ADCY8: variants seen among roughly 807,000 people sequenced by gnomAD.
ADCY8 encodes adenylate cyclase type 8.
Under a neutral mutation model 119.7 loss-of-function variants are expected in ADCY8, and 51 were observed. The observed-to-expected ratio is 0.43, with a 90% confidence interval of 0.34 to 0.54. The LOEUF (loss-of-function observed/expected upper bound fraction) is 0.54, where lower values mean the gene tolerates loss of function less well. Ranked by LOEUF, ADCY8 falls within the 20% of genes least tolerant of loss-of-function variation. ADCY8 has a pLI of 0.03. For missense variants in ADCY8, 1,383 were observed against 1,598.8 expected (o/e 0.87, Z 2.30); for synonymous variants, 665 against 651.0 (o/e 1.02, Z -0.33).
At chr8:131,027,492 T>C (rs888920372) in intron 1 of ADCY8, among the ~76,000 whole-genome samples, 1 of 152,012 alleles carries the variant, frequency 6.6e-6, no homozygotes, top group Non-Finnish European at 1.5e-5. Flanking sequence ...CAGCGGAGCA[T>C]GGGGTGGCTT....
intron 7 of ADCY8, among the ~76,000 whole-genome samples, chr8:130,887,256 C>G (rs1819021670): frequency 6.6e-6 from 1 of 152,074 alleles, no homozygotes; most frequent in African/African-American, 2.4e-5. Context: ...GGATACAGAC[C>G]AATGAAATCT....
chr8:130,908,196 T>C (rs909695677), intron 6 of ADCY8, among the ~76,000 whole-genome samples: 1 of 152,198 alleles, frequency 6.6e-6, no homozygotes, highest in Admixed American at 6.5e-5. Flanking sequence ...CAAAGCAGTA[T>C]CTTACAAACC....
intron 12 of ADCY8, among the ~76,000 whole-genome samples, chr8:130,823,507 T>C (rs1816582339): frequency 6.6e-6 from 1 of 152,178 alleles, no homozygotes. Flanking sequence ...GTTGAACTAA[T>C]TTATTTGTAT....
At chr8:130,791,283 G>A (rs1815418908) in intron 15 of ADCY8, among the ~76,000 whole-genome samples, 1 of 152,198 alleles carries the variant, frequency 6.6e-6, no homozygotes, top group Non-Finnish European at 1.5e-5. Flanking sequence ...TAGGTGACAA[G>A]GGATGGGACC....
At position 130,847,412 on chromosome 8, in the gene ADCY8, A is replaced by G. The variant is rs758850690; in HGVS notation, c.2502+12T>C. 1.2e-6 allele frequency: 2 copies of G among 1,600,368 alleles called. No individual in the cohort carries two copies. The highest frequency in any genetic ancestry group is 2.2e-5 in the South Asian group (2 of 89,744). On this transcript the variant is annotated intron_variant, in intron 11 of 17. Transcript: ENST00000286355. ...GTCCAACTCTCACCAAGGGGAGCTC[A>G]TAAATAAATACCTCTGGGTAGGAGC...
intron 12 of ADCY8, among the ~76,000 whole-genome samples, chr8:130,830,667 T>G (rs1358507055): frequency 6.6e-6 from 1 of 152,204 alleles, no homozygotes; most frequent in Non-Finnish European, 1.5e-5. Flanking sequence ...ACATAGCCAC[T>G]TCACTGTCAT....
chr8:130,780,410 C>A lies in ADCY8; in HGVS notation c.3736G>T (p.Asp1246Tyr). 3 of 1,539,076 alleles carry A rather than the reference C, an allele frequency of 1.9e-6. No homozygotes were observed. Among genetic ancestry groups the A allele is most frequent in the Non-Finnish European group, 2.6e-6 (3 of 1,140,004 alleles). The change falls in exon 18 of 18, where the codon GAC becomes TAC. Residue 1246 changes from aspartate (D) to tyrosine (Y), a missense_variant. Asp to Tyr is a radical substitution (Grantham distance 160). Around this residue, in one of 2 missense-constraint regions of ADCY8, gnomAD observed 928 missense variants for 1,163.5 expected, o/e 0.80. Coordinates refer to ENST00000286355, the MANE Select transcript of ADCY8 (RefSeq NM_001115.3). ...TGCTTTTATGGCAAATCAGATTTGT[C>A]GGTGCCTTCAGCCTGGGCTCCAGGC... ...TEPGAQAEGT[D>Y]KSDLP
intron 12 of ADCY8, among the ~76,000 whole-genome samples, chr8:130,822,574 C>G (rs1319695510): frequency 3.3e-5 from 5 of 151,952 alleles, no homozygotes; most frequent in Admixed American, 3.3e-4. Flanking sequence ...ATCCATCCAT[C>G]CATCCATCCA....
At chr8:130,909,947 T>TC (rs1399964046) in intron 5 of ADCY8, 81 bp from the exon 6 acceptor site, 16 of 1,364,226 alleles carry the variant, frequency 1.2e-5, no homozygotes, top group Non-Finnish European at 1.4e-5. Context: ...TTTCTTTTTT[T>TC]TTTTTTTTGA....
chr8:130,955,618 G>A (rs1025075073), intron 2 of ADCY8, among the ~76,000 whole-genome samples: 4 of 152,018 alleles, frequency 2.6e-5, no homozygotes, highest in African/African-American at 9.7e-5. Context: ...ATAAATCAAT[G>A]GAAATATGTC....
rs1202405393 is a variant in ADCY8, at chr8:130,951,990, G to T, written c.1119C>A (p.Leu373=). ...LETENQRQER[L]VLSVLPRFVV... is the part of the protein sequence containing the mutation. ...CAAACCGGGGGAGCACAGAAAGCAC[G>T]AGCCGCTCCTGGAACAAATGAAGAG... Residue 373 remains leucine, a synonymous_variant, in exon 3 of 18, where the codon CTC becomes CTA. Coordinates refer to ENST00000286355, the MANE Select transcript of ADCY8 (RefSeq NM_001115.3). 1 of 1,613,984 alleles carries T rather than the reference G, an allele frequency of 6.2e-7. No individual in the cohort carries two copies. Among genetic ancestry groups the T allele is most frequent in the Non-Finnish European group, 8.5e-7 (1 of 1,179,928 alleles).
chr8:130,832,374 T>C (rs1016637383), intron 12 of ADCY8, among the ~76,000 whole-genome samples: 1 of 152,180 alleles, frequency 6.6e-6, no homozygotes, highest in Non-Finnish European at 1.5e-5. Context: ...TGCTACCTTT[T>C]ACATTTTATC....
chr8:130,888,559 CATAA>C (rs1447183184), intron 7 of ADCY8, among the ~76,000 whole-genome samples: 3 of 152,190 alleles, frequency 2.0e-5, no homozygotes, highest in Admixed American at 2.0e-4. Flanking sequence ...CAGGTATTTC[CATAA>C]ATGTTTCCTC....
At chr8:130,995,420 G>T (rs1048360852) in intron 1 of ADCY8, among the ~76,000 whole-genome samples, 3 of 152,022 alleles carry the variant, frequency 2.0e-5, no homozygotes, top group African/African-American at 7.2e-5. Context: ...TACCTTTTTG[G>T]TTTTTGTATA....
intron 6 of ADCY8, among the ~76,000 whole-genome samples, chr8:130,908,236 G>A (rs1819854956): frequency 6.6e-6 from 1 of 152,188 alleles, no homozygotes; most frequent in Admixed American, 6.5e-5. Flanking sequence ...TTTGCAAAAG[G>A]AATCTATTGA....
In ADCY8 at chr8:131,040,130, G is replaced by T. The variant is rs749719034; in HGVS notation, c.204C>A (p.Ala68=). The change falls in exon 1 of 18, where the codon GCC becomes GCA. Residue 68 remains alanine (A), a synonymous_variant. Transcript: ENST00000286355. ...SGSGSGGSGK[A]SDPAGGGPNH... is the part of the protein sequence containing the mutation. The stretch of plus-strand genomic sequence containing the variant: ...TGGGGCCGCCGCCCGCAGGGTCCGA[G>T]GCTTTGCCCGAGCCTCCACTCCCGC... 56 of 1,531,952 alleles carry T rather than the reference G, an allele frequency of 3.7e-5. No homozygotes were observed. Among genetic ancestry groups the T allele is most frequent in the Non-Finnish European group, 4.7e-5 (54 of 1,145,314 alleles). The allele number at this position is 1,531,952 out of a possible 1,614,324, so 94.9% of individuals were successfully genotyped here. A position where few individuals can be genotyped will look rare whatever the true frequency, so the allele number is the denominator to read the frequency against.
At chr8:130,868,434 C>CA (rs1818206966) in intron 8 of ADCY8, among the ~76,000 whole-genome samples, 1 of 152,100 alleles carries the variant, frequency 6.6e-6, no homozygotes, top group African/African-American at 2.4e-5. Context: ...CTAGTGTAGC[C>CA]TTTTCATTTC....
intron 1 of ADCY8, among the ~76,000 whole-genome samples, chr8:131,036,251 A>T (rs958867562): frequency 6.6e-6 from 1 of 152,204 alleles, no homozygotes; most frequent in Non-Finnish European, 1.5e-5. Flanking sequence ...AGATATGATG[A>T]TGCACATAAG....
intron 8 of ADCY8, among the ~76,000 whole-genome samples, chr8:130,870,382 T>C (rs891718222): frequency 6.6e-6 from 1 of 152,174 alleles, no homozygotes; most frequent in Non-Finnish European, 1.5e-5. Flanking sequence ...ACTATCATCA[T>C]CACAGCATCC....
Sources: allele counts gnomAD v4.1 joint callset (sites outside exome capture counted in the v4.1 genomes callset), GRCh38; gene constraint gnomAD v4.1.1; regional missense constraint gnomAD v4.1.1; transcripts MANE v1.5; gene names NCBI Gene and HGNC (gene_info 2026-07-23, HGNC 2026-07-21).